CSRNP3: variants seen among roughly 807,000 people sequenced by gnomAD.
CSRNP3 encodes cysteine and serine rich nuclear protein 3, also known as cysteine/serine-rich nuclear protein 3.
CSRNP3 carries 12 observed loss-of-function variants against 48.0 expected under a neutral mutation model. The ratio of observed to expected loss-of-function variants is 0.25; its 90% confidence interval spans 0.16 to 0.41. CSRNP3 has a LOEUF of 0.41. CSRNP3 is among the 10% of genes least tolerant of loss of function. CSRNP3 has a pLI of 1.00. For missense variants in CSRNP3, 580 were observed against 724.4 expected, an observed-to-expected ratio of 0.80 and a Z score of 2.29; for synonymous variants, 263 against 269.7, an observed-to-expected ratio of 0.98 and a Z score of 0.24.
chr2:165,512,672 G>A (rs1444679173), intron 2 of CSRNP3, among the ~76,000 whole-genome samples: 1 of 152,168 alleles, frequency 6.6e-6, no homozygotes, highest in African/African-American at 2.4e-5. Context: ...TTTGGTAGAC[G>A]AATTGATTAT....
chr2:165,650,206 A>G (rs1308463895), intron 4 of CSRNP3, among the ~76,000 whole-genome samples: 2 of 152,216 alleles, frequency 1.3e-5, no homozygotes, highest in Non-Finnish European at 2.9e-5. Context: ...ATTTAAAAAG[A>G]CGACTGGGGC....
intron 3 of CSRNP3, among the ~76,000 whole-genome samples, chr2:165,586,721 A>G (rs1430013807): frequency 6.6e-6 from 1 of 152,238 alleles, no homozygotes; most frequent in African/African-American, 2.4e-5. Flanking sequence ...TAAACACTAG[A>G]TGAATATCAG....
intron 3 of CSRNP3, 48 bp from the exon 4 acceptor site, chr2:165,594,995 T>G: frequency 6.4e-7 from 1 of 1,568,492 alleles, no homozygotes; most frequent in African/African-American, 1.3e-5. Context: ...GGCTACACGT[T>G]CAGCGGTCAA....
intron 4 of CSRNP3, among the ~76,000 whole-genome samples, chr2:165,639,835 A>G (rs1322363504): frequency 3.9e-5 from 6 of 152,202 alleles, no homozygotes; most frequent in Non-Finnish European, 8.8e-5. Context: ...TCTTACAGAT[A>G]CCTTTTGTCT....
intron 4 of CSRNP3, among the ~76,000 whole-genome samples, chr2:165,609,786 T>A (rs183984244): frequency 6.6e-6 from 1 of 152,246 alleles, no homozygotes; most frequent in East Asian, 1.9e-4. Flanking sequence ...GTTATGCGTT[T>A]GGAAGAGTGG....
chr2:165,619,346 T>G (rs1160365388), intron 4 of CSRNP3, among the ~76,000 whole-genome samples: 3 of 152,156 alleles, frequency 2.0e-5, no homozygotes, highest in African/African-American at 7.2e-5. Context: ...TGATTCAAAT[T>G]CATACAATCC....
intron 3 of CSRNP3, among the ~76,000 whole-genome samples, chr2:165,581,006 G>A (rs1279042377): frequency 1.3e-5 from 2 of 152,182 alleles, no homozygotes; most frequent in African/African-American, 2.4e-5. Context: ...GGAGGGAAAA[G>A]TAGGCTTACA....
intron 3 of CSRNP3, among the ~76,000 whole-genome samples, chr2:165,527,541 G>A (rs571536510): frequency 1.6e-4 from 25 of 152,126 alleles, no homozygotes; most frequent in Admixed American, 6.6e-4. Flanking sequence ...GTGCATGTAA[G>A]AAAGGATAAT....
rs1055738357 is a variant in CSRNP3, at chr2:165,680,445, T to TA, written c.*693dup. 3 of 152,798 alleles carry TA rather than the reference T, an allele frequency of 2.0e-5. No individual in the cohort carries two copies. Among genetic ancestry groups the TA allele is most frequent in the East Asian group, 3.9e-4 (2 of 5,174 alleles). The allele number at this position is 152,798 out of a possible 1,614,324, so 9.5% of individuals were successfully genotyped here. On this transcript the variant is annotated 3_prime_UTR_variant, in exon 7 of 7. Transcript: ENST00000651982. ...AAATGATTCTATATGTGCAGGTCCT[T>TA]ACACAGTTTTCTCTAAAGTTAAGAG...
intron 4 of CSRNP3, among the ~76,000 whole-genome samples, chr2:165,652,740 C>T (rs554656597): frequency 9.2e-5 from 14 of 151,942 alleles, no homozygotes; most frequent in East Asian, 2.0e-4. Flanking sequence ...GATGGGGTTT[C>T]GCCACGTTGC....
intron 1 of CSRNP3, among the ~76,000 whole-genome samples, chr2:165,493,086 C>T (rs188051354): frequency 9.9e-5 from 15 of 151,964 alleles, no homozygotes; most frequent in Admixed American, 8.5e-4. Context: ...CAGAGGAAGC[C>T]AGTCAGCAGA....
At chr2:165,492,724 TAAAAAAA>T (rs11304265) in intron 1 of CSRNP3, among the ~76,000 whole-genome samples, 1 of 110,182 alleles carries the variant, frequency 9.1e-6, no homozygotes, top group African/African-American at 3.6e-5. Flanking sequence ...ACTATTAGAG[TAAAAAAA>T]AAAAAAAAAA....
At chr2:165,594,547 A>G (rs931487615) in intron 3 of CSRNP3, among the ~76,000 whole-genome samples, 8 of 152,210 alleles carry the variant, frequency 5.3e-5, no homozygotes, top group Non-Finnish European at 1.5e-5. Flanking sequence ...ACCCATTGCA[A>G]TACTGAAATG....
chr2:165,666,693 A>AAGAAGG (rs1553484440), intron 5 of CSRNP3, among the ~76,000 whole-genome samples: 1 of 36,822 alleles, frequency 2.7e-5, no homozygotes, highest in Non-Finnish European at 5.8e-5. Context: ...GAGTGGTGTT[A>AAGAAGG]AGAGAGAGAG....
chr2:165,549,081 G>A (rs1014939865), intron 3 of CSRNP3, among the ~76,000 whole-genome samples: 15 of 147,690 alleles, frequency 1.0e-4, no homozygotes, highest in South Asian at 6.4e-4. Flanking sequence ...ATTCTTGAAT[G>A]CTTTAAACCT....
chr2:165,523,963 C>G (rs1316557403), intron 3 of CSRNP3, among the ~76,000 whole-genome samples: 1 of 152,156 alleles, frequency 6.6e-6, no homozygotes, highest in Non-Finnish European at 1.5e-5. Flanking sequence ...GTCAATACCT[C>G]CAACCCTATT....
At chr2:165,546,460 G>C (rs555742362) in intron 3 of CSRNP3, among the ~76,000 whole-genome samples, 1 of 152,090 alleles carries the variant, frequency 6.6e-6, no homozygotes, top group Non-Finnish European at 1.5e-5. Flanking sequence ...CAAAGTGCTG[G>C]GATTACAGGC....
At chr2:165,545,726 G>A (rs749218527) in intron 3 of CSRNP3, among the ~76,000 whole-genome samples, 1 of 151,972 alleles carries the variant, frequency 6.6e-6, no homozygotes, top group African/African-American at 2.4e-5. Flanking sequence ...TTTGCTAACC[G>A]ATTTGGTGAT....
At chr2:165,575,977 A>G (rs1395717851) in intron 3 of CSRNP3, among the ~76,000 whole-genome samples, 1 of 151,646 alleles carries the variant, frequency 6.6e-6, no homozygotes, top group African/African-American at 2.4e-5. Flanking sequence ...TAAATTAGCT[A>G]TTTTCTTTTT....
Sources: gnomAD v4.1 joint callset for allele counts (sites outside exome capture counted in the v4.1 genomes callset) on GRCh38, gnomAD v4.1.1 for gene constraint, MANE v1.5 for transcripts, NCBI Gene and HGNC (gene_info 2026-07-23, HGNC 2026-07-21) for gene names.